The following ARMC9 variants were observed in gnomAD, a reference collection of about 807,000 sequenced individuals.
ARMC9 encodes the protein armadillo repeat containing 9.
ARMC9 carries 94 observed loss-of-function variants against 107.0 expected under a neutral mutation model. The ratio of observed to expected loss-of-function variants is 0.88; its 90% confidence interval spans 0.74 to 1.04. ARMC9 has a LOEUF of 1.04. Among genes scored for constraint, ARMC9 ranks in the 50% least tolerant of loss-of-function variants. ARMC9 has a pLI of 0.00. For missense variants in ARMC9, 942 were observed against 1,030.1 expected (o/e 0.91, Z 1.17); for synonymous variants, 380 against 396.9 (o/e 0.96, Z 0.51).
rs142147399 is a variant in ARMC9, at chr2:231,257,966, G to A, written c.915-1025G>A. Among the ~76,000 whole-genome samples, 176 of 152,210 alleles carry A rather than the reference G, an allele frequency of 1.2e-3. 1 individual carries two copies. Among genetic ancestry groups the A allele is most frequent in the African/African-American group, 4.0e-3 (168 of 41,536 alleles). The stretch of plus-strand genomic sequence containing the variant: ...GAGGTGATTCCTTTTGTTTCTGGCT[G>A]ACCGAAGGTGGGTGGCAGGGCAGTC... On this transcript the variant is annotated intron_variant, in intron 10 of 24. Transcript: ENST00000611582.
chr2:231,346,337 TGGTGAAACCC>T (rs1184784248), intron 21 of ARMC9, among the ~76,000 whole-genome samples: 3 of 151,762 alleles, frequency 2.0e-5, no homozygotes, highest in African/African-American at 4.8e-5. Context: ...CTGGCTAACG[TGGTGAAACCC>T]CATCTCTACT....
chr2:231,308,934 T>C (rs1575031513), intron 19 of ARMC9, among the ~76,000 whole-genome samples: 1 of 152,204 alleles, frequency 6.6e-6, no homozygotes, highest in East Asian at 1.9e-4. Flanking sequence ...GCCAGCTCGC[T>C]TGGCGTGGCA....
chr2:231,311,312 T>C (rs927804915), intron 19 of ARMC9, among the ~76,000 whole-genome samples: 3 of 152,152 alleles, frequency 2.0e-5, no homozygotes, highest in Admixed American at 6.5e-5. Flanking sequence ...TTTGCTGCTA[T>C]TCACACTACC....
Position 231,278,445 on chromosome 2 carries a change from A to T in ARMC9, c.1538A>T (p.His513Leu). The T allele has an allele frequency of 6.2e-7, 1 of 1,614,044 alleles. No homozygotes were observed. Among genetic ancestry groups the T allele is most frequent in the Non-Finnish European group, 8.5e-7 (1 of 1,180,014 alleles). ...VLKVLSDLLG[H>L]ENHEIQPYVN... The stretch of plus-strand genomic sequence containing the variant: ...AAAGTCCTTTCGGATCTTCTTGGCC[A>T]TGAAAACCATGAGGTACTCATTCAG... The change falls in exon 16 of 25, where the codon CAT becomes CTT. Residue 513 changes from histidine (H) to leucine (L), a missense_variant. Physicochemically the swap from His to Leu is moderately conservative, Grantham distance 99. Coordinates refer to ENST00000611582, the MANE Select transcript of ARMC9 (RefSeq NM_001352754.2).
At chr2:231,230,979 T>A (rs978573552) in intron 7 of ARMC9, among the ~76,000 whole-genome samples, 1 of 152,246 alleles carries the variant, frequency 6.6e-6, no homozygotes, top group African/African-American at 2.4e-5. Flanking sequence ...CTTCTCTCTT[T>A]CCAATAGGCT....
At chr2:231,279,619 T>C (rs1217062144) in intron 16 of ARMC9, among the ~76,000 whole-genome samples, 2 of 150,848 alleles carry the variant, frequency 1.3e-5, no homozygotes, top group African/African-American at 4.9e-5. Context: ...CAAGCGATTC[T>C]CCTGCCTCAG....
chr2:231,335,983 G>T (rs2044064906), intron 20 of ARMC9, among the ~76,000 whole-genome samples: 1 of 152,128 alleles, frequency 6.6e-6, no homozygotes, highest in Non-Finnish European at 1.5e-5. Context: ...GGAGGCTGAG[G>T]TGGGAGGATC....
At chr2:231,320,259 C>T (rs4142875) in intron 19 of ARMC9, among the ~76,000 whole-genome samples, 17,768 of 152,138 alleles carry the variant, frequency 0.12, 2,179 homozygotes, top group East Asian at 0.31. Context: ...GCAGCTCACA[C>T]CTAGATGTTG....
At chr2:231,318,818 G>A (rs2042848695) in intron 19 of ARMC9, among the ~76,000 whole-genome samples, 1 of 152,200 alleles carries the variant, frequency 6.6e-6, no homozygotes, top group Non-Finnish European at 1.5e-5. Context: ...TCCAGGAACA[G>A]GAGTATATGC....
intron 2 of ARMC9, 125 bp downstream of exon 2, chr2:231,206,414 T>C (rs2032000902): frequency 1.3e-6 from 1 of 766,230 alleles, no homozygotes; most frequent in Non-Finnish European, 2.0e-6. Context: ...GCTATTTTTC[T>C]ATTATATAAT....
At chr2:231,305,255 G>A (rs1274450692) in intron 19 of ARMC9, among the ~76,000 whole-genome samples, 2 of 152,180 alleles carry the variant, frequency 1.3e-5, no homozygotes, top group African/African-American at 2.4e-5. Flanking sequence ...GTTTGAGATC[G>A]CTGCCTTGGT....
intron 9 of ARMC9, among the ~76,000 whole-genome samples, chr2:231,243,051 C>G (rs1202355638): frequency 6.6e-6 from 1 of 152,108 alleles, no homozygotes; most frequent in East Asian, 1.9e-4. Flanking sequence ...TCGAGACCAT[C>G]CTGGCTAACA....
chr2:231,374,251 CCA>C lies in ARMC9; in HGVS notation c.*2719_*2720del, dbSNP rs1212054499. 1 of 152,154 alleles carries C rather than the reference CCA, an allele frequency of 6.6e-6. No homozygotes were observed. Among genetic ancestry groups the C allele is most frequent in the Non-Finnish European group, 1.5e-5 (1 of 68,024 alleles). The allele number at this position is 152,154 out of a possible 1,614,324, so 9.4% of individuals were successfully genotyped here. A position where few individuals can be genotyped will look rare whatever the true frequency, so the allele number is the denominator to read the frequency against. On this transcript the variant is annotated 3_prime_UTR_variant, in exon 25 of 25. Coordinates refer to ENST00000611582, the MANE Select transcript of ARMC9 (RefSeq NM_001352754.2). ...TTGCCCTTGAAAACTACCAAGGAAG[CCA>C]CAGAGAGGGATCTTTGGACCTTCTG...
chr2:231,211,007 C>T (rs1488022356), intron 3 of ARMC9, among the ~76,000 whole-genome samples: 1 of 152,074 alleles, frequency 6.6e-6, no homozygotes, highest in African/African-American at 2.4e-5. Context: ...ATGCAGTATT[C>T]GTCTTTCTGT....
chr2:231,326,765 C>T (rs2043347255), intron 19 of ARMC9, among the ~76,000 whole-genome samples: 1 of 152,230 alleles, frequency 6.6e-6, no homozygotes, highest in African/African-American at 2.4e-5. Flanking sequence ...GCAAATCAAA[C>T]TCACCAAAGA....
At chr2:231,226,636 A>C in intron 6 of ARMC9, 138 bp from the exon 7 acceptor site, 1 of 973,280 alleles carries the variant, frequency 1.0e-6, no homozygotes, top group Non-Finnish European at 1.6e-6. Flanking sequence ...TTACAGCAAC[A>C]GTTGGAGCTG....
intron 19 of ARMC9, 132 bp downstream of exon 19, chr2:231,296,385 G>A (rs761406536): frequency 5.5e-5 from 46 of 832,158 alleles, no homozygotes; most frequent in Middle Eastern, 2.3e-4. Context: ...TCTGAGGGTT[G>A]GCTAAAGCTC....
chr2:231,365,212 G>A (rs187582085), intron 23 of ARMC9, among the ~76,000 whole-genome samples: 10 of 152,348 alleles, frequency 6.6e-5, no homozygotes, highest in African/African-American at 1.7e-4. Context: ...GGGAAGTCAC[G>A]TGCCGCAGAA....
chr2:231,204,339 C>T (rs995926143), intron 1 of ARMC9, among the ~76,000 whole-genome samples: 1 of 152,106 alleles, frequency 6.6e-6, no homozygotes, highest in Non-Finnish European at 1.5e-5. Flanking sequence ...CTGTCTGCCT[C>T]ACCCCTAGCT....
Sources: gnomAD v4.1 joint callset for allele counts (sites outside exome capture counted in the v4.1 genomes callset) on GRCh38, gnomAD v4.1.1 for gene constraint, MANE v1.5 for transcripts, NCBI Gene and HGNC (gene_info 2026-07-23, HGNC 2026-07-21) for gene names.